The following COMMD6 variants were observed in gnomAD, a reference collection of about 807,000 sequenced individuals.
COMMD6 encodes the protein COMM domain containing 6.
COMMD6 carries 11 observed loss-of-function variants against 13.4 expected under a neutral mutation model. The ratio of observed to expected loss-of-function variants is 0.82; its 90% confidence interval spans 0.52 to 1.36. COMMD6 has a LOEUF of 1.36. Ranked by LOEUF, COMMD6 falls within the 40% of genes most tolerant of loss-of-function variation. The pLI is 0.00. For synonymous variants in COMMD6, 43 were observed against 36.5 expected (o/e 1.18, Z -0.64); for missense variants, 124 against 102.4 (o/e 1.21, Z -0.91).
chr13:75,535,709 G>A (rs2030641171), intron 2 of COMMD6, among the ~76,000 whole-genome samples: 1 of 152,148 alleles, frequency 6.6e-6, no homozygotes, highest in Non-Finnish European at 1.5e-5. Flanking sequence ...TCGCTTCTCT[G>A]ACAGATCCAA....
upstream of COMMD6, among the ~76,000 whole-genome samples, chr13:75,542,213 TA>T (rs768431597): frequency 6.6e-6 from 1 of 152,158 alleles, no homozygotes; most frequent in Non-Finnish European, 1.5e-5. Context: ...TGGTTTTTGT[TA>T]TCTGGCATTT....
chr13:75,541,639 G>C (rs2030825784), upstream of COMMD6, among the ~76,000 whole-genome samples: 1 of 151,980 alleles, frequency 6.6e-6, no homozygotes, highest in South Asian at 2.1e-4. Flanking sequence ...TGTGTGATTG[G>C]TAGAGTCACT....
intron 1 of COMMD6, 43 bp downstream of exon 1, chr13:75,537,721 T>C (rs1484221907): frequency 1.2e-6 from 2 of 1,613,890 alleles, no homozygotes; most frequent in Non-Finnish European, 1.7e-6. Flanking sequence ...TCTTTCTTGC[T>C]CCAGAGCCTC....
upstream of COMMD6, chr13:75,537,950 T>C: frequency 1.3e-6 from 1 of 761,894 alleles, no homozygotes; most frequent in South Asian, 1.9e-5. Context: ...GTGACTCATA[T>C]TTTTTCTTAA....
intron 2 of COMMD6, among the ~76,000 whole-genome samples, chr13:75,536,999 A>G (rs890385754): frequency 6.6e-6 from 1 of 152,244 alleles, no homozygotes; most frequent in African/African-American, 2.4e-5. Context: ...GAGAAAAATG[A>G]CAGACAGCAG....
At chr13:75,527,786 T>C (rs776215699) in intron 3 of COMMD6, 2 of 1,461,228 alleles carry the variant, frequency 1.4e-6, no homozygotes, top group East Asian at 2.6e-5. Flanking sequence ...CTCACTTATA[T>C]GTGGAATCTA....
At chr13:75,542,741 C>T (rs2030846250), upstream of COMMD6, among the ~76,000 whole-genome samples, 1 of 152,126 alleles carries the variant, frequency 6.6e-6, no homozygotes, top group South Asian at 2.1e-4. Flanking sequence ...TTCACAGGGT[C>T]CTTAAAGATG....
chr13:75,537,534 G>A, intron 2 of COMMD6, 130 bp downstream of exon 2: 1 of 1,588,976 alleles, frequency 6.3e-7, no homozygotes, highest in Non-Finnish European at 8.6e-7. Context: ...CAATGCAAGA[G>A]GGACGGCTGA....
upstream of COMMD6, among the ~76,000 whole-genome samples, chr13:75,543,340 G>GA (rs145192067): frequency 2.6e-5 from 4 of 151,426 alleles, no homozygotes; most frequent in Admixed American, 2.0e-4. Context: ...AAGTTGGAAA[G>GA]AAAAAAAACA....
chr13:75,527,961 T>G, intron 3 of COMMD6: 1 of 1,263,574 alleles, frequency 7.9e-7, no homozygotes, highest in Non-Finnish European at 1.0e-6. Context: ...ATTGTTATTG[T>G]TTACTTGAAA....
chr13:75,529,520 C>CAAAAAAAAAAAAAA (rs58073558), intron 3 of COMMD6, among the ~76,000 whole-genome samples: 3 of 104,632 alleles, frequency 2.9e-5, no homozygotes, highest in African/African-American at 1.1e-4. Context: ...GACTCCGTCT[C>CAAAAAAAAAAAAAA]AAAAAAAAAA....
At chr13:75,527,709 G>C (rs1229238336) in intron 3 of COMMD6, 4 of 1,188,234 alleles carry the variant, frequency 3.4e-6, no homozygotes, top group African/African-American at 1.6e-5. Flanking sequence ...GCAACAACAT[G>C]GATGAACCTG....
Position 75,530,263 on chromosome 13 carries a change from C to A in COMMD6, c.58G>T (p.Val20Leu). 1 of 1,608,832 alleles carries A rather than the reference C, an allele frequency of 6.2e-7. No individual in the cohort carries two copies. Among genetic ancestry groups the A allele is most frequent in the Non-Finnish European group, 8.5e-7 (1 of 1,177,860 alleles). The change falls in exon 3 of 4, where the codon GTA becomes TTA. Residue 20 changes from valine (V) to leucine (L), a missense_variant. Val to Leu is a conservative substitution (Grantham distance 32). Transcript: ENST00000682242. ...DAKSDVTNQL[V>L]DFQWKLGMAV... ...ATACCCAGTTTCCACTGAAAATCTA[C>A]AAGCTTTAATAAGACAGGACAAAAT...
At chr13:75,533,131 C>T (rs531334744) in intron 2 of COMMD6, among the ~76,000 whole-genome samples, 9 of 152,058 alleles carry the variant, frequency 5.9e-5, no homozygotes, top group African/African-American at 2.2e-4. Context: ...CAGGGTTTCA[C>T]CATGTTAGCC....
chr13:75,530,456 AT>A, intron 2 of COMMD6, 190 bp from the exon 3 acceptor site: 1 of 395,112 alleles, frequency 2.5e-6, no homozygotes, highest in Non-Finnish European at 4.4e-6. Context: ...TATAAGGGAT[AT>A]AAACAGTTAA....
At chr13:75,533,335 G>C (rs1238852651) in intron 2 of COMMD6, among the ~76,000 whole-genome samples, 1 of 152,116 alleles carries the variant, frequency 6.6e-6, no homozygotes, top group Non-Finnish European at 1.5e-5. Context: ...GGGAGGCCAA[G>C]GCAGGTGGAT....
Position 75,536,165 on chromosome 13 carries a change from T to C in COMMD6, c.54+1499A>G, listed in dbSNP as rs965733905. ...CTGAGCTTACAGTCATGAGCCACCATGGCTGGCCTGTAATTTCTTCATGTT... is the reference window on the plus strand; with the variant it reads ...CTGAGCTTACAGTCATGAGCCACCACGGCTGGCCTGTAATTTCTTCATGTT... On this transcript the variant is annotated intron_variant, in intron 2 of 3. Coordinates refer to ENST00000682242, the MANE Select transcript of COMMD6 (RefSeq NM_203495.4). Among the ~76,000 whole-genome samples, 7 of 152,248 alleles carry C rather than the reference T, an allele frequency of 4.6e-5. No homozygotes were observed. The South Asian group carries it at 6.2e-4, about 13-fold the overall frequency.
chr13:75,542,112 T>C (rs2138429251), upstream of COMMD6, among the ~76,000 whole-genome samples: 1 of 152,320 alleles, frequency 6.6e-6, no homozygotes, highest in East Asian at 1.9e-4. Context: ...GGACAGGCAG[T>C]TGCTGGGCAG....
upstream of COMMD6, among the ~76,000 whole-genome samples, chr13:75,540,359 CACACACACACACAG>C (rs1241317311): frequency 6.6e-6 from 1 of 151,736 alleles, no homozygotes; most frequent in African/African-American, 2.4e-5. Context: ...CACACACACA[CACACACACACACAG>C]ACACACACCC....
Sources: gnomAD v4.1 joint callset for allele counts (sites outside exome capture counted in the v4.1 genomes callset) on GRCh38, gnomAD v4.1.1 for gene constraint, MANE v1.5 for transcripts, NCBI Gene and HGNC (gene_info 2026-07-23, HGNC 2026-07-21) for gene names.